The following SPATA7 variants were observed in gnomAD, a reference collection of about 807,000 sequenced individuals.
SPATA7 encodes the protein spermatogenesis-associated protein 7.
Under a neutral mutation model 51.8 loss-of-function variants are expected in SPATA7, and 43 were observed. The observed-to-expected ratio is 0.83, with a 90% confidence interval of 0.65 to 1.07. SPATA7 has a LOEUF of 1.07. Among genes scored for constraint, SPATA7 ranks in the 50% least tolerant of loss-of-function variants. The pLI is 0.00. For synonymous variants in SPATA7, 230 were observed against 252.8 expected (o/e 0.91, Z 0.86); for missense variants, 683 against 701.3 (o/e 0.97, Z 0.30).
At chr14:88,399,361 G>A (rs1200730027) in intron 4 of SPATA7, among the ~76,000 whole-genome samples, 1 of 152,080 alleles carries the variant, frequency 6.6e-6, no homozygotes, top group Non-Finnish European at 1.5e-5. Context: ...CGTGTAGGCT[G>A]TCATATTTTT....
At chr14:88,442,290 A>G (rs542974088), downstream of SPATA7, among the ~76,000 whole-genome samples, 3 of 152,176 alleles carry the variant, frequency 2.0e-5, no homozygotes, top group East Asian at 5.8e-4. Flanking sequence ...CCTGGGTTCA[A>G]GCGATTCTCC....
chr14:88,385,871 C>G (rs780846299), intron 1 of SPATA7, 34 bp downstream of exon 1: 19 of 1,587,194 alleles, frequency 1.2e-5, no homozygotes, highest in Non-Finnish European at 1.5e-5. Flanking sequence ...ACCGCCGCCT[C>G]GCCCCTCGCT....
At chr14:88,431,808 A>G (rs547089332) in intron 9 of SPATA7, among the ~76,000 whole-genome samples, 1 of 152,294 alleles carries the variant, frequency 6.6e-6, no homozygotes, top group South Asian at 2.1e-4. Flanking sequence ...TTATGGCTGA[A>G]TAGTATTTCA....
At chr14:88,397,014 G>A (rs1303802590) in intron 4 of SPATA7, among the ~76,000 whole-genome samples, 2 of 151,736 alleles carry the variant, frequency 1.3e-5, no homozygotes, top group East Asian at 3.9e-4. Context: ...CTCCCAAGTA[G>A]GTGGGACTAC....
chr14:88,448,691 T>G (rs1203795983), intron 3 of SPATA7, among the ~76,000 whole-genome samples: 1 of 152,196 alleles, frequency 6.6e-6, no homozygotes, highest in African/African-American at 2.4e-5. Context: ...GTTTGTTAGT[T>G]TTCCTTCTAA....
intron 4 of SPATA7, among the ~76,000 whole-genome samples, chr14:88,409,536 A>C (rs1212547080): frequency 6.6e-6 from 1 of 152,176 alleles, no homozygotes; most frequent in Non-Finnish European, 1.5e-5. Flanking sequence ...TTTTCAAAAA[A>C]ACAGCTCCTG....
At chr14:88,444,011 G>C (rs2077195892) in intron 3 of SPATA7, among the ~76,000 whole-genome samples, 1 of 151,882 alleles carries the variant, frequency 6.6e-6, no homozygotes, top group African/African-American at 2.4e-5. Flanking sequence ...TAATGGGATG[G>C]CTGGGTCAAA....
intron 4 of SPATA7, among the ~76,000 whole-genome samples, chr14:88,404,577 T>G (rs1181911458): frequency 6.6e-6 from 1 of 151,944 alleles, no homozygotes; most frequent in Admixed American, 6.6e-5. Context: ...ATTAGCCAGG[T>G]GTGGTGGCAT....
At chr14:88,460,729 C>T (rs1300362776) in intron 4 of SPATA7, among the ~76,000 whole-genome samples, 1 of 152,216 alleles carries the variant, frequency 6.6e-6, no homozygotes, top group Non-Finnish European at 1.5e-5. Context: ...ATTCTCCATC[C>T]AGCTTTGTTC....
chr14:88,421,964 A>AAG (rs1555375282), intron 5 of SPATA7, among the ~76,000 whole-genome samples: 7 of 151,328 alleles, frequency 4.6e-5, no homozygotes, highest in African/African-American at 1.7e-4. Flanking sequence ...AAAAAAAAAA[A>AAG]GTAGAATCTG....
At chr14:88,407,126 A>G (rs367797615) in intron 4 of SPATA7, among the ~76,000 whole-genome samples, 3 of 152,202 alleles carry the variant, frequency 2.0e-5, no homozygotes, top group Non-Finnish European at 4.4e-5. Context: ...CTTTGGGTAT[A>G]TACCCAGTAA....
At chr14:88,405,479 CAG>C (rs1324947596) in intron 4 of SPATA7, among the ~76,000 whole-genome samples, 3 of 152,242 alleles carry the variant, frequency 2.0e-5, no homozygotes, top group African/African-American at 7.2e-5. Context: ...TGACTGGGAC[CAG>C]AGTGGTTGCA....
intron 5 of SPATA7, among the ~76,000 whole-genome samples, chr14:88,420,185 C>A (rs2076602562): frequency 6.6e-6 from 1 of 152,180 alleles, no homozygotes; most frequent in African/African-American, 2.4e-5. Flanking sequence ...CTACTCTTCC[C>A]TATAAGCTTC....
chr14:88,391,303 A>G (rs2075737647), intron 1 of SPATA7, 78 bp from the exon 2 acceptor site: 2 of 1,170,400 alleles, frequency 1.7e-6, no homozygotes, highest in Non-Finnish European at 2.4e-6. Flanking sequence ...TATTATTTAA[A>G]AAATATTGAA....
rs1356389384 is a variant in SPATA7, at chr14:88,444,319, T to G, written c.177+6416T>G. ...GTCTGTTCATGTCCTTTGCCCACTTTTTAATGGGGTTGTTTGTTTTTTTCT... is the reference window on the plus strand; with the variant it reads ...GTCTGTTCATGTCCTTTGCCCACTTGTTAATGGGGTTGTTTGTTTTTTTCT... On this transcript the variant is annotated intron_variant, in intron 3 of 3. Coordinates refer to the SPATA7 transcript ENST00000554802. Among the ~76,000 whole-genome samples, 25 of 152,322 alleles carry G rather than the reference T, an allele frequency of 1.6e-4. No individual in the cohort carries two copies. The South Asian group carries it at 5.0e-3, about 30-fold the overall frequency.
At chr14:88,411,079 G>C (rs909406640) in intron 4 of SPATA7, among the ~76,000 whole-genome samples, 1 of 152,220 alleles carries the variant, frequency 6.6e-6, no homozygotes, top group African/African-American at 2.4e-5. Flanking sequence ...CCAGAGAGGA[G>C]GAATCTAGAG....
chr14:88,428,526 A>G (rs1468069517), intron 7 of SPATA7: 2 of 152,210 alleles, frequency 1.3e-5, no homozygotes, highest in Non-Finnish European at 2.9e-5. Context: ...TTCCTCATCT[A>G]GAAAAACTGT....
intron 1 of SPATA7, chr14:88,386,136 A>G (rs1304377490): frequency 3.7e-5 from 38 of 1,021,712 alleles, no homozygotes; most frequent in Non-Finnish European, 5.1e-5. Context: ...CAGGCAGAGG[A>G]ACCAGGTTTG....
Position 88,469,528 on chromosome 14 carries a change from C to G in SPATA7, c.255-319C>G. 6.2e-7 allele frequency: 1 copy of G among 1,614,114 alleles called. No homozygotes were observed. Among genetic ancestry groups the G allele is most frequent in the South Asian group, 1.1e-5 (1 of 91,078 alleles). On this transcript the variant is annotated intron_variant, in intron 4 of 4. Coordinates refer to the SPATA7 transcript ENST00000556406. The surrounding 1 kb of genome is among the most constrained non-coding windows in gnomAD (Gnocchi z 4.3). The stretch of plus-strand genomic sequence containing the variant: ...AAATCCCTTGAGGTCTTCTGGACAG[C>G]CATGTTCAGGCCAGTCTGTGTATTG...
Sources: allele counts gnomAD v4.1 joint callset (sites outside exome capture counted in the v4.1 genomes callset), GRCh38; gene constraint gnomAD v4.1.1; non-coding constraint Gnocchi (gnomAD v3.1); transcripts MANE v1.5; gene names NCBI Gene and HGNC (gene_info 2026-07-23, HGNC 2026-07-21).